The following CACNA2D2 variants were observed in gnomAD, a reference collection of about 807,000 sequenced individuals.
CACNA2D2 encodes voltage-dependent calcium channel subunit alpha-2/delta-2.
A neutral mutation model predicts 166.4 loss-of-function variants in CACNA2D2; 48 were observed. The ratio of observed to expected loss-of-function variants is 0.29; its 90% confidence interval spans 0.23 to 0.37. The LOEUF is 0.37. Ranked by LOEUF, CACNA2D2 falls within the 10% of genes least tolerant of loss-of-function variation. CACNA2D2 has a pLI of 1.00. For synonymous variants in CACNA2D2, 561 were observed against 573.7 expected (o/e 0.98, Z 0.32); for missense variants, 1,122 against 1,433.0 (o/e 0.78, Z 3.50).
chr3:50,464,811 A>G (rs1204804844), intron 2 of CACNA2D2, among the ~76,000 whole-genome samples: 1 of 152,188 alleles, frequency 6.6e-6, no homozygotes, highest in Non-Finnish European at 1.5e-5. Context: ...GGTGCCCGTT[A>G]GTGGCTCCTC....
At chr3:50,459,912 T>A (rs1006494710) in intron 2 of CACNA2D2, among the ~76,000 whole-genome samples, 2 of 142,746 alleles carry the variant, frequency 1.4e-5, no homozygotes, top group Non-Finnish European at 2.9e-5. Flanking sequence ...CTTCTCACCC[T>A]GCAGCCTGCT....
intron 5 of CACNA2D2, among the ~76,000 whole-genome samples, chr3:50,387,147 G>A (rs587693345): frequency 6.6e-6 from 1 of 152,294 alleles, no homozygotes; most frequent in Non-Finnish European, 1.5e-5. Flanking sequence ...GGGCCAGGCT[G>A]TGGGGTGCTC....
upstream of CACNA2D2, among the ~76,000 whole-genome samples, chr3:50,503,896 G>A (rs1291425642): frequency 4.6e-5 from 7 of 151,518 alleles, no homozygotes; most frequent in Non-Finnish European, 5.9e-5. Flanking sequence ...AGACCCTGCC[G>A]CTCCTCCCCA....
At chr3:50,406,131 C>T in intron 3 of CACNA2D2, among the ~76,000 whole-genome samples, 1 of 151,816 alleles carries the variant, frequency 6.6e-6, no homozygotes, top group East Asian at 2.1e-4. Context: ...TTGTCAGATG[C>T]AGCCATCCAG....
chr3:50,464,521 G>A (rs1575730496), intron 2 of CACNA2D2, among the ~76,000 whole-genome samples: 1 of 152,154 alleles, frequency 6.6e-6, no homozygotes, highest in East Asian at 1.9e-4. Context: ...CAGCCTCCTG[G>A]GAAACCCTGT....
At chr3:50,467,577 C>T (rs1709875616) in intron 2 of CACNA2D2, among the ~76,000 whole-genome samples, 1 of 152,224 alleles carries the variant, frequency 6.6e-6, no homozygotes, top group Non-Finnish European at 1.5e-5. Context: ...ACCTGCCCGC[C>T]TGCGTGTGTG....
chr3:50,384,052 A>G, intron 6 of CACNA2D2, 144 bp downstream of exon 6: 2 of 983,496 alleles, frequency 2.0e-6, no homozygotes, highest in African/African-American at 1.6e-5. Context: ...TGAATCTGAG[A>G]GGTGCGCAGG....
intron 2 of CACNA2D2, among the ~76,000 whole-genome samples, chr3:50,438,118 G>A (rs898490831): frequency 2.6e-5 from 4 of 152,192 alleles, no homozygotes; most frequent in South Asian, 4.1e-4. Flanking sequence ...AGGTGGGGAT[G>A]TGGGGGAGGA....
chr3:50,411,569 G>C (rs916857297), intron 3 of CACNA2D2, among the ~76,000 whole-genome samples: 4 of 152,180 alleles, frequency 2.6e-5, no homozygotes, highest in African/African-American at 9.7e-5. Flanking sequence ...TTCACTTATG[G>C]GTACCTGTTG....
chr3:50,431,857 C>T (rs1467012122), intron 3 of CACNA2D2, among the ~76,000 whole-genome samples: 2 of 151,374 alleles, frequency 1.3e-5, no homozygotes, highest in African/African-American at 4.9e-5. Flanking sequence ...TGGTGGTGGG[C>T]GCCTGTAATC....
chr3:50,373,870 G>T (rs1704799764), intron 22 of CACNA2D2, among the ~76,000 whole-genome samples: 1 of 84,702 alleles, frequency 1.2e-5, no homozygotes, highest in African/African-American at 5.3e-5. Context: ...GGAGAGGAGG[G>T]GGCAGAGAGA....
intron 3 of CACNA2D2, among the ~76,000 whole-genome samples, chr3:50,400,124 A>C (rs1254955194): frequency 6.6e-6 from 1 of 152,268 alleles, no homozygotes; most frequent in Non-Finnish European, 1.5e-5. Context: ...ATGAGTAAAT[A>C]ATATACATAT....
At position 50,422,765 on chromosome 3, in the gene CACNA2D2, C is replaced by T. The variant is rs576172655; in HGVS notation, c.405+11548G>A. Among the ~76,000 whole-genome samples the T allele has an allele frequency of 1.2e-4, 18 of 152,352 alleles. No individual in the cohort carries two copies. In the South Asian group the frequency reaches 2.7e-3, roughly 23 times the overall value. On this transcript the variant is annotated intron_variant, in intron 3 of 37. Coordinates refer to ENST00000424201, the MANE Select transcript of CACNA2D2 (RefSeq NM_006030.4). ...TGGGTCAGTGCTGTAGCTGCAATCT[C>T]GCCTGGCGCTTCTCCCTCTTCATCC...
chr3:50,475,558 G>T (rs547532212), intron 2 of CACNA2D2, among the ~76,000 whole-genome samples: 2 of 152,292 alleles, frequency 1.3e-5, no homozygotes, highest in African/African-American at 4.8e-5. Context: ...GTGATGGATG[G>T]CCTGCTCTTC....
At chr3:50,378,478 G>C (rs1277372832) in intron 13 of CACNA2D2, 145 bp from the exon 14 acceptor site, 2 of 799,496 alleles carry the variant, frequency 2.5e-6, no homozygotes, top group Admixed American at 2.1e-5. Flanking sequence ...TAGTGCTCCC[G>C]GCCTCTGCCC....
At chr3:50,403,478 C>T (rs1054169122) in intron 3 of CACNA2D2, among the ~76,000 whole-genome samples, 2 of 152,178 alleles carry the variant, frequency 1.3e-5, no homozygotes, top group Non-Finnish European at 2.9e-5. Context: ...CCCTGCTTGG[C>T]TTCCAGCCCT....
At chr3:50,475,774 C>A (rs371690493) in intron 2 of CACNA2D2, among the ~76,000 whole-genome samples, 1 of 152,166 alleles carries the variant, frequency 6.6e-6, no homozygotes, top group Admixed American at 6.5e-5. Flanking sequence ...CTCCTGTGCA[C>A]CCCTGCGTCC....
chr3:50,494,523 T>A (rs1698648239), intron 1 of CACNA2D2, among the ~76,000 whole-genome samples: 1 of 152,120 alleles, frequency 6.6e-6, no homozygotes, highest in Admixed American at 6.5e-5. Flanking sequence ...CAGAAAGCTT[T>A]TATGTCTCTG....
At chr3:50,446,870 C>T (rs1390765277) in intron 2 of CACNA2D2, among the ~76,000 whole-genome samples, 1 of 152,092 alleles carries the variant, frequency 6.6e-6, no homozygotes, top group Non-Finnish European at 1.5e-5. Flanking sequence ...GGAGGTGCTT[C>T]GACTTGTAGG....
Sources: allele counts gnomAD v4.1 joint callset (sites outside exome capture counted in the v4.1 genomes callset), GRCh38; gene constraint gnomAD v4.1.1; transcripts MANE v1.5; gene names NCBI Gene and HGNC (gene_info 2026-07-23, HGNC 2026-07-21).